Variants in ETV1 observed in about 807,000 individuals in gnomAD.
ETV1 encodes ETS variant transcription factor 1.
A neutral mutation model predicts 62.3 loss-of-function variants in ETV1; 27 were observed. The ratio of observed to expected loss-of-function variants is 0.43; its 90% confidence interval spans 0.32 to 0.60. The LOEUF (loss-of-function observed/expected upper bound fraction) is 0.60, where lower values mean the gene tolerates loss of function less well. ETV1 is among the 20% of genes least tolerant of loss of function. The pLI is 0.06. For synonymous variants in ETV1, 222 were observed against 199.6 expected (o/e 1.11, Z -0.94); for missense variants, 605 against 605.8 (o/e 1.00, Z 0.01).
chr7:13,907,131 G>C (rs749726089), intron 11 of ETV1, among the ~76,000 whole-genome samples: 1 of 152,072 alleles, frequency 6.6e-6, no homozygotes, highest in Non-Finnish European at 1.5e-5. Flanking sequence ...AAATTTAATA[G>C]TATCCTAAAC....
intron 6 of ETV1, among the ~76,000 whole-genome samples, chr7:13,972,053 T>C (rs1470532982): frequency 6.6e-6 from 1 of 151,952 alleles, no homozygotes; most frequent in East Asian, 1.9e-4. Context: ...GGAGTTGCAG[T>C]GAGCCGAGAT....
chr7:13,968,311 T>C (rs1404010823), intron 6 of ETV1, among the ~76,000 whole-genome samples: 1 of 152,010 alleles, frequency 6.6e-6, no homozygotes, highest in Non-Finnish European at 1.5e-5. Flanking sequence ...ATATATATTT[T>C]TAGCTTTCAT....
chr7:13,928,163 G>A (rs188324950), intron 9 of ETV1, among the ~76,000 whole-genome samples: 2 of 152,296 alleles, frequency 1.3e-5, no homozygotes, highest in Non-Finnish European at 2.9e-5. Context: ...TACAGCACAA[G>A]ATGCTGTATT....
intron 6 of ETV1, among the ~76,000 whole-genome samples, chr7:13,942,184 C>T (rs571966626): frequency 1.2e-3 from 186 of 151,900 alleles, no homozygotes; most frequent in African/African-American, 4.2e-3. Context: ...CCACCACGCC[C>T]GGCTAACTTT....
chr7:13,960,349 C>A (rs548596298), intron 6 of ETV1, among the ~76,000 whole-genome samples: 1 of 152,114 alleles, frequency 6.6e-6, no homozygotes, highest in Non-Finnish European at 1.5e-5. Flanking sequence ...AAAAACAGTA[C>A]ATAAATTAAG....
chr7:13,960,370 T>C (rs1367901168), intron 6 of ETV1, among the ~76,000 whole-genome samples: 1 of 152,200 alleles, frequency 6.6e-6, no homozygotes, highest in African/African-American at 2.4e-5. Flanking sequence ...TAGATATTGA[T>C]ACTGCCTGAC....
intron 5 of ETV1, among the ~76,000 whole-genome samples, chr7:13,984,673 A>G (rs1051829751): frequency 2.6e-5 from 4 of 151,988 alleles, no homozygotes; most frequent in South Asian, 2.1e-4. Flanking sequence ...GGGAATTCAT[A>G]TAAAACACTC....
At chr7:13,908,404 A>G (rs2128416653) in intron 11 of ETV1, among the ~76,000 whole-genome samples, 1 of 152,270 alleles carries the variant, frequency 6.6e-6, no homozygotes, top group Admixed American at 6.5e-5. Flanking sequence ...CCAAACACGA[A>G]AGAAACTAAT....
chr7:13,984,852 T>C (rs970908505), intron 5 of ETV1, among the ~76,000 whole-genome samples: 3 of 151,628 alleles, frequency 2.0e-5, no homozygotes, highest in African/African-American at 4.8e-5. Context: ...CTCTGCAGAG[T>C]TTTAAAAGAT....
chr7:13,959,364 C>T (rs1789880931), intron 6 of ETV1, among the ~76,000 whole-genome samples: 1 of 152,170 alleles, frequency 6.6e-6, no homozygotes, highest in Admixed American at 6.5e-5. Context: ...ACTTCCCACT[C>T]TACTGTACCT....
chr7:13,933,924 C>T (rs964274405), intron 8 of ETV1, among the ~76,000 whole-genome samples: 1 of 152,200 alleles, frequency 6.6e-6, no homozygotes, highest in African/African-American at 2.4e-5. Context: ...AGGCACACTG[C>T]TTATTCAGCA....
chr7:13,975,280 C>T (rs770206278), intron 6 of ETV1, among the ~76,000 whole-genome samples: 2 of 152,064 alleles, frequency 1.3e-5, no homozygotes. Flanking sequence ...AGGAAAGGGG[C>T]TCACACCTGT....
intron 12 of ETV1, among the ~76,000 whole-genome samples, chr7:13,902,998 G>A (rs1256399177): frequency 6.6e-6 from 1 of 152,176 alleles, no homozygotes; most frequent in African/African-American, 2.4e-5. Flanking sequence ...ATGCAGACAA[G>A]ACAAAAGTTA....
chr7:13,962,777 C>T (rs545392468), intron 6 of ETV1, among the ~76,000 whole-genome samples: 39 of 151,998 alleles, frequency 2.6e-4, no homozygotes, highest in Non-Finnish European at 5.3e-4. Context: ...TTTCCATATA[C>T]GTATTAGTTT....
chr7:13,896,431 T>C (rs181493290), intron 13 of ETV1, among the ~76,000 whole-genome samples: 98 of 152,292 alleles, frequency 6.4e-4, no homozygotes, highest in African/African-American at 2.1e-3. Flanking sequence ...GCATTTCATA[T>C]TGAAAGCTTT....
intron 6 of ETV1, among the ~76,000 whole-genome samples, chr7:13,942,209 G>A (rs992436738): frequency 8.6e-5 from 13 of 151,844 alleles, no homozygotes; most frequent in South Asian, 6.2e-4. Context: ...ATTTTTAGTA[G>A]AGACGGGGTT....
chr7:13,897,322 G>T (rs1781952190), intron 13 of ETV1, among the ~76,000 whole-genome samples: 1 of 152,168 alleles, frequency 6.6e-6, no homozygotes, highest in African/African-American at 2.4e-5. Flanking sequence ...GCAACAGTGT[G>T]TTCCTGGGTT....
intron 12 of ETV1, among the ~76,000 whole-genome samples, chr7:13,903,856 G>GA: frequency 6.6e-6 from 1 of 151,406 alleles, no homozygotes; most frequent in East Asian, 1.9e-4. Context: ...AAATATCTAA[G>GA]AAAAAGACAT....
At chr7:13,986,564 C>A in intron 5 of ETV1, 74 bp downstream of exon 5, 1 of 1,598,522 alleles carries the variant, frequency 6.3e-7, no homozygotes, top group Non-Finnish European at 8.5e-7. Context: ...AATATTAAGA[C>A]AGCAAGTTCA....
Sources: gnomAD v4.1 joint callset for allele counts (sites outside exome capture counted in the v4.1 genomes callset) on GRCh38, gnomAD v4.1.1 for gene constraint, MANE v1.5 for transcripts, NCBI Gene and HGNC (gene_info 2026-07-23, HGNC 2026-07-21) for gene names.